Variants in NUP153 observed in about 807,000 individuals in gnomAD.
NUP153 encodes nucleoporin 153.
In NUP153, 27 loss-of-function variants were observed where a neutral mutation model predicts 134.6. The ratio of observed to expected loss-of-function variants is 0.20; its 90% CI spans 0.15 to 0.28. The LOEUF is 0.28. Among genes scored for constraint, NUP153 ranks in the 10% least tolerant of loss-of-function variants. The pLI is 1.00. For missense variants in NUP153, 1,821 were observed against 1,731.3 expected (o/e 1.05, Z -0.92); for synonymous variants, 640 against 623.5 (o/e 1.03, Z -0.40).
In NUP153 at chr6:17,692,003, T is replaced by G. The variant is rs74291788; in HGVS notation, c.112-3385A>C. On this transcript the variant is annotated intron_variant, in intron 1 of 21. Transcript: ENST00000262077. ...ATTTAATGTAGATTTAAAAATTTTT[T>G]GGGGGACTTCAAGTAAGGTGTTTAG... 9.6e-3 allele frequency among the ~76,000 whole-genome samples: 1,457 copies of G among 152,226 alleles called. 10 individuals are homozygous for G. Among genetic ancestry groups the G allele is most frequent in the Middle Eastern group, 0.017 (5 of 294 alleles).
chr6:17,695,416 G>C (rs1769571885), intron 1 of NUP153, among the ~76,000 whole-genome samples: 1 of 152,024 alleles, frequency 6.6e-6, no homozygotes, highest in African/African-American at 2.4e-5. Flanking sequence ...TCTAATTAAG[G>C]CCTTGGTATA....
chr6:17,694,936 G>A (rs1279131008), intron 1 of NUP153, among the ~76,000 whole-genome samples: 2 of 151,432 alleles, frequency 1.3e-5, no homozygotes, highest in African/African-American at 2.4e-5. Context: ...CAGAGTTCAC[G>A]CCACTGCACT....
At position 17,647,787 on chromosome 6, in the gene NUP153, A is replaced by T. The variant is rs1407000617; in HGVS notation, c.1632+20T>A. 7.2e-7 allele frequency: 1 copy of T among 1,381,660 alleles called. No homozygotes were observed. Among genetic ancestry groups the T allele is most frequent in the Non-Finnish European group, 1.0e-6 (1 of 969,964 alleles). 85.6% of individuals were successfully genotyped at this position (1,381,660 alleles called of 1,614,324 possible). A position where few individuals can be genotyped will look rare whatever the true frequency, so the allele number is the denominator to read the frequency against. On this transcript the variant is annotated intron_variant, in intron 13 of 21. Coordinates refer to ENST00000262077, the MANE Select transcript of NUP153 (RefSeq NM_005124.4). ...GCTTTGAAATCAGTAAATATATACT[A>T]TTCCTTGCTTGTTACTTACAGATGA...
At position 17,675,213 on chromosome 6, in the gene NUP153, C is replaced by T; in HGVS notation, c.723+16G>A. 6.2e-7 allele frequency: 1 copy of T among 1,612,962 alleles called. No individual in the cohort carries two copies. Among genetic ancestry groups the T allele is most frequent in the Non-Finnish European group, 8.5e-7 (1 of 1,179,644 alleles). The stretch of plus-strand genomic sequence containing the variant: ...TCAAAACTAATGTGATTAAATCCAA[C>T]CCAGTTAGTACTCACAGGGGAAAGT... On this transcript the variant is annotated intron_variant, in intron 4 of 21. Coordinates refer to ENST00000262077, the MANE Select transcript of NUP153 (RefSeq NM_005124.4). This position sits in a 1 kb window ranked among gnomAD's most constrained non-coding sequence, Gnocchi z 4.4.
chr6:17,692,048 T>C (rs1769309319), intron 1 of NUP153, among the ~76,000 whole-genome samples: 2 of 152,216 alleles, frequency 1.3e-5, no homozygotes, highest in South Asian at 4.1e-4. Flanking sequence ...GTATCAGAGA[T>C]TCCTGTGATC....
intron 5 of NUP153, among the ~76,000 whole-genome samples, chr6:17,673,451 T>C (rs1437125090): frequency 6.6e-6 from 1 of 152,194 alleles, no homozygotes; most frequent in African/African-American, 2.4e-5. Context: ...AAAGTATTTG[T>C]ACCCTGAAAA....
chr6:17,637,281 A>T lies in NUP153; in HGVS notation c.2336T>A (p.Val779Glu). 1 of 1,614,242 alleles carries T rather than the reference A, an allele frequency of 6.2e-7. No homozygotes were observed. The highest frequency in any genetic ancestry group is 8.5e-7 in the Non-Finnish European group (1 of 1,180,036). The change falls in exon 16 of 22, where the codon GTA becomes GAA. Residue 779 changes from valine to glutamate, a missense_variant. Coordinates refer to ENST00000262077, the MANE Select transcript of NUP153 (RefSeq NM_005124.4). Reference protein sequence around the residue: ...TMTASSSSCTVTTGTLGFGDK... With the variant: ...TMTASSSSCTETTGTLGFGDK... Reference sequence around the variant, plus strand: ...TCCAAATCCTAAGGTACCAGTGGTTACAGTGCAGCTGGAAGATGAAGCAGT... The same window carrying T: ...TCCAAATCCTAAGGTACCAGTGGTTTCAGTGCAGCTGGAAGATGAAGCAGT...
rs35061480 is a variant in NUP153 at position 17,663,232 on chromosome 6, T to TACACACAC, written c.1216-1170_1216-1163dup. ...CAATATTATGCTAAAAAGAAAAAAATACACACACACACACACACACACACA... is the reference window on the plus strand; with the variant it reads ...CAATATTATGCTAAAAAGAAAAAAATACACACACACACACACACACACACACACACACA... On this transcript the variant is annotated intron_variant, in intron 9 of 21. Transcript: ENST00000262077. Among the ~76,000 whole-genome samples the TACACACAC allele has an allele frequency of 2.8e-5, 4 of 144,098 alleles. No individual in the cohort carries two copies. In the East Asian group the frequency reaches 8.1e-4, roughly 29 times the overall value. The allele number at this position is 144,098 out of a possible 152,430, so 94.5% of individuals were successfully genotyped here.
chr6:17,619,709 G>A (rs1173749585), intron 20 of NUP153: 4 of 152,138 alleles, frequency 2.6e-5, no homozygotes, highest in African/African-American at 7.2e-5. Flanking sequence ...TGGATCAGAA[G>A]AACTATTATT....
At position 17,675,458 on chromosome 6, in the gene NUP153, G is replaced by A; in HGVS notation, c.583+64C>T. 1 of 1,576,292 alleles carries A rather than the reference G, an allele frequency of 6.3e-7. No homozygotes were observed. Among genetic ancestry groups the A allele is most frequent in the Admixed American group, 1.9e-5 (1 of 54,048 alleles). ...GAAAATAAAAATTACAACCAAGTCA[G>A]AAAAAAAACCCATAAAATTTAATGT... On this transcript the variant is annotated intron_variant, in intron 3 of 21. Transcript: ENST00000262077. This position sits in a 1 kb window ranked among gnomAD's most constrained non-coding sequence, Gnocchi z 4.4.
chr6:17,701,837 G>GT (rs922967651), intron 1 of NUP153, among the ~76,000 whole-genome samples: 6 of 106,644 alleles, frequency 5.6e-5, no homozygotes, highest in African/African-American at 1.1e-4. Context: ...TGTCTCGGGG[G>GT]GGGGGGGAAA....
At chr6:17,670,007 A>C (rs1767795290) in intron 5 of NUP153, among the ~76,000 whole-genome samples, 1 of 150,774 alleles carries the variant, frequency 6.6e-6, no homozygotes, top group Non-Finnish European at 1.5e-5. Flanking sequence ...AGGCAGGAGA[A>C]CTGCTTTGAA....
chr6:17,689,782 C>T lies in NUP153; in HGVS notation c.112-1164G>A, dbSNP rs12205920. On this transcript the variant is annotated intron_variant, in intron 1 of 21. Transcript: ENST00000262077. ...TCAGGTGATCCGCCCACCTCTGCCT[C>T]CCAAAGTGCTGGGATTACAAGCATG... Among the ~76,000 whole-genome samples the T allele has an allele frequency of 8.8e-3, 1,346 of 152,104 alleles. 10 individuals carry two copies. Among genetic ancestry groups the T allele is most frequent in the Non-Finnish European group, 0.014 (935 of 67,984 alleles).
intron 1 of NUP153, among the ~76,000 whole-genome samples, chr6:17,691,008 G>A (rs1769244832): frequency 6.6e-6 from 1 of 152,120 alleles, no homozygotes. Context: ...CGGGTGTGGT[G>A]GTGTGCATCT....
intron 1 of NUP153, among the ~76,000 whole-genome samples, chr6:17,699,517 A>T (rs1009792021): frequency 6.7e-6 from 1 of 149,722 alleles, no homozygotes; most frequent in African/African-American, 2.5e-5. Flanking sequence ...AGATAATTAC[A>T]ATCTTTGCAA....
chr6:17,626,213 CAG>C, intron 18 of NUP153, 49 bp from the exon 19 acceptor site: 1 of 1,445,110 alleles, frequency 6.9e-7, no homozygotes. Context: ...AGAATAGTCT[CAG>C]AAAGTACTTT....
chr6:17,646,423 G>A (rs1766186435), intron 13 of NUP153, among the ~76,000 whole-genome samples: 1 of 152,080 alleles, frequency 6.6e-6, no homozygotes, highest in Non-Finnish European at 1.5e-5. Context: ...AGCCAGGATG[G>A]TCTCGATCTA....
chr6:17,634,782 G>T (rs908116869), intron 16 of NUP153, among the ~76,000 whole-genome samples: 1 of 152,028 alleles, frequency 6.6e-6, no homozygotes, highest in African/African-American at 2.4e-5. Context: ...TGAAATCAAC[G>T]TCTTTAATTT....
intron 9 of NUP153, among the ~76,000 whole-genome samples, chr6:17,663,232 TACACACACACACAC>T (rs35061480): frequency 9.0e-4 from 130 of 144,098 alleles, no homozygotes; most frequent in Middle Eastern, 3.5e-3. Context: ...AAGAAAAAAA[TACACACACACACAC>T]ACACACACAC....
Sources: allele counts gnomAD v4.1 joint callset (sites outside exome capture counted in the v4.1 genomes callset), GRCh38; gene constraint gnomAD v4.1.1; non-coding constraint Gnocchi (gnomAD v3.1); transcripts MANE v1.5; gene names NCBI Gene and HGNC (gene_info 2026-07-23, HGNC 2026-07-21).